The following LRIF1 variants were observed in gnomAD, a reference collection of about 807,000 sequenced individuals.
LRIF1 encodes the protein ligand dependent nuclear receptor interacting factor 1, also known as ligand-dependent nuclear receptor-interacting factor 1.
A neutral mutation model predicts 52.7 loss-of-function variants in LRIF1; 32 were observed. The observed-to-expected ratio is 0.61, with a 90% CI of 0.46 to 0.82. The LOEUF (loss-of-function observed/expected upper bound fraction) is 0.82. Among genes scored for constraint, LRIF1 ranks in the 40% least tolerant of loss-of-function variants. LRIF1 has a pLI of 0.00. For missense variants in LRIF1, 887 were observed against 892.0 expected, an observed-to-expected ratio of 0.99 and a Z score of 0.07; for synonymous variants, 323 against 317.4, an observed-to-expected ratio of 1.02 and a Z score of -0.19.
At chr1:110,952,910 ATAAAG>A (rs1214058282) in intron 1 of LRIF1, 95 bp from the exon 2 acceptor site, 4 of 699,956 alleles carry the variant, frequency 5.7e-6, no homozygotes, top group African/African-American at 3.7e-5. Context: ...AAATATTAAA[ATAAAG>A]TATATAATTT....
chr1:110,943,041 GAAGC>G (rs932316503), downstream of LRIF1, among the ~76,000 whole-genome samples: 2 of 152,100 alleles, frequency 1.3e-5, no homozygotes, highest in African/African-American at 4.8e-5. Context: ...AGACTAAGAA[GAAGC>G]AGTCAACGAG....
At chr1:110,900,984 C>CA in the LRIF1 span, among the ~76,000 whole-genome samples, 2 of 152,002 alleles carry the variant, frequency 1.3e-5, no homozygotes, top group Non-Finnish European at 2.9e-5. Flanking sequence ...GTAGAGAAGT[C>CA]AGAGAAAGGA....
the LRIF1 span, among the ~76,000 whole-genome samples, chr1:110,915,908 A>G: frequency 6.6e-6 from 1 of 152,264 alleles, no homozygotes; most frequent in South Asian, 2.1e-4. Flanking sequence ...AACAGCTAGT[A>G]GTAGATGCCT....
chr1:110,874,966 T>C, the LRIF1 span, among the ~76,000 whole-genome samples: 1 of 151,802 alleles, frequency 6.6e-6, no homozygotes, highest in African/African-American at 2.4e-5. Flanking sequence ...CTGAAAGGAG[T>C]TGTAGAGTTT....
the LRIF1 span, chr1:110,895,066 G>A: frequency 6.3e-7 from 1 of 1,586,464 alleles, no homozygotes; most frequent in Non-Finnish European, 8.7e-7. Flanking sequence ...GTGAGTACAG[G>A]TGGAATCCTC....
the LRIF1 span, among the ~76,000 whole-genome samples, chr1:110,930,217 T>C: frequency 6.6e-6 from 1 of 152,184 alleles, no homozygotes; most frequent in Non-Finnish European, 1.5e-5. Context: ...TTTCATGACT[T>C]GACACTTGGA....
At chr1:110,897,953 A>C in the LRIF1 span, 1 of 890,920 alleles carries the variant, frequency 1.1e-6, no homozygotes. Flanking sequence ...GTAAGATTTC[A>C]GAATAATACC....
the LRIF1 span, among the ~76,000 whole-genome samples, chr1:110,910,699 T>G: frequency 6.6e-6 from 1 of 152,168 alleles, no homozygotes; most frequent in African/African-American, 2.4e-5. Context: ...CCAAGACGAT[T>G]TCTCAAAACC....
rs1035825049 is a variant in LRIF1, at chr1:110,951,408, T to G, written c.1476A>C (p.Val492=). Residue 492 remains valine (V), a synonymous_variant, in exon 2 of 4, where the codon GTA becomes GTC. Coordinates refer to ENST00000369763, the MANE Select transcript of LRIF1 (RefSeq NM_018372.4). ...FSTGHNAPRK[V]TAVIYARKGS... ...CTTTTCTAGCATAAATGACGGCTGT[T>G]ACTTTTCTGGGGGCATTGTGTCCTG... 1.2e-6 allele frequency: 2 copies of G among 1,614,056 alleles called. No individual in the cohort carries two copies. The highest frequency in any genetic ancestry group is 1.3e-5 in the African/African-American group (1 of 74,930).
At chr1:110,898,916 G>A in the LRIF1 span, among the ~76,000 whole-genome samples, 2 of 152,104 alleles carry the variant, frequency 1.3e-5, no homozygotes, top group Non-Finnish European at 2.9e-5. Context: ...TTTACAGCCT[G>A]TTATCTTGTC....
the LRIF1 span, among the ~76,000 whole-genome samples, chr1:110,901,158 T>TG: frequency 1.6e-4 from 24 of 151,520 alleles, no homozygotes; most frequent in African/African-American, 5.3e-4. Flanking sequence ...CTGTTTTTTT[T>TG]TGTTTGTTTT....
chr1:110,952,047 T>C lies in LRIF1; in HGVS notation c.837A>G (p.Lys279=). ...GAGCAGCTTGAGAATGCTGACCACC[T>C]TTCAATTGTGTCTCTGTAGCAACAT... ...PKNVATETQL[K]GGQHSQAAPV... The change falls in exon 2 of 4, where the codon AAA becomes AAG. Residue 279 remains lysine, a synonymous_variant. Transcript: ENST00000369763. 1 of 1,614,230 alleles carries C rather than the reference T, an allele frequency of 6.2e-7. No homozygotes were observed.
chr1:110,886,873 T>TTTC, the LRIF1 span, among the ~76,000 whole-genome samples: 1 of 82,728 alleles, frequency 1.2e-5, no homozygotes, highest in Admixed American at 1.4e-4. Flanking sequence ...ATATATATTT[T>TTTC]TTTTTTCTGT....
chr1:110,897,931 G>C, the LRIF1 span: 2 of 1,190,542 alleles, frequency 1.7e-6, no homozygotes, highest in Admixed American at 3.7e-5. Context: ...AGGATTACAT[G>C]AGTTAAGTCA....
At chr1:110,887,724 G>A in the LRIF1 span, among the ~76,000 whole-genome samples, 1 of 152,216 alleles carries the variant, frequency 6.6e-6, no homozygotes, top group East Asian at 1.9e-4. Flanking sequence ...TTTCCAGTCT[G>A]ACTGGTGGGA....
chr1:110,895,123 T>C, the LRIF1 span: 2 of 1,152,538 alleles, frequency 1.7e-6, no homozygotes, highest in Non-Finnish European at 2.6e-6. Context: ...CCTTGGGGGC[T>C]AGTTCCTTTT....
At chr1:110,891,644 A>G in the LRIF1 span, among the ~76,000 whole-genome samples, 1 of 152,194 alleles carries the variant, frequency 6.6e-6, no homozygotes, top group Non-Finnish European at 1.5e-5. Context: ...CCTGCCACAG[A>G]ATAAACCTGC....
the LRIF1 span, among the ~76,000 whole-genome samples, chr1:110,905,236 G>C: frequency 2.0e-5 from 3 of 152,146 alleles, no homozygotes; most frequent in Non-Finnish European, 4.4e-5. Context: ...GATAATATCA[G>C]AGAATTCCCC....
the LRIF1 span, among the ~76,000 whole-genome samples, chr1:110,914,460 T>G: frequency 6.6e-6 from 1 of 152,202 alleles, no homozygotes; most frequent in Non-Finnish European, 1.5e-5. Context: ...ATTAAACTCA[T>G]CAGCCACTGG....
Sources: allele counts gnomAD v4.1 joint callset (sites outside exome capture counted in the v4.1 genomes callset), GRCh38; gene constraint gnomAD v4.1.1; transcripts MANE v1.5; gene names NCBI Gene and HGNC (gene_info 2026-07-23, HGNC 2026-07-21).